The following STXBP4 variants were observed in gnomAD, a reference collection of about 807,000 sequenced individuals.
STXBP4 encodes the protein syntaxin binding protein 4, also known as syntaxin-binding protein 4.
STXBP4 carries 55 observed loss-of-function variants against 76.1 expected under a neutral mutation model. The observed-to-expected ratio is 0.72, with a 90% CI of 0.58 to 0.91. The LOEUF (loss-of-function observed/expected upper bound fraction) is 0.91, where lower values mean the gene tolerates loss of function less well. Among genes scored for constraint, STXBP4 ranks in the 40% least tolerant of loss-of-function variants. The probability of loss-of-function intolerance (pLI) is 0.00; values close to 1 mark genes in which losing one functional copy is unlikely to be tolerated. For synonymous variants in STXBP4, 201 were observed against 220.2 expected, an observed-to-expected ratio of 0.91 and a Z score of 0.77; for missense variants, 618 against 636.9, an observed-to-expected ratio of 0.97 and a Z score of 0.32.
chr17:55,049,908 A>G (rs1333093329), intron 12 of STXBP4, among the ~76,000 whole-genome samples: 2 of 152,094 alleles, frequency 1.3e-5, no homozygotes, highest in Non-Finnish European at 2.9e-5. Flanking sequence ...ATGGTTTCAC[A>G]GAGAAATTTA....
At chr17:55,150,359 G>A (rs1461810838) in intron 17 of STXBP4, among the ~76,000 whole-genome samples, 1 of 152,158 alleles carries the variant, frequency 6.6e-6, no homozygotes, top group Non-Finnish European at 1.5e-5. Context: ...TGTACACAGA[G>A]AGAGAGATAT....
chr17:55,196,825 G>A, the STXBP4 span, among the ~76,000 whole-genome samples: 1 of 152,196 alleles, frequency 6.6e-6, no homozygotes. Flanking sequence ...TGAAGTTTGA[G>A]GTCTAAACCC....
the STXBP4 span, among the ~76,000 whole-genome samples, chr17:55,199,513 A>G: frequency 0.036 from 5,432 of 152,288 alleles, 142 homozygotes; most frequent in Non-Finnish European, 0.056. Flanking sequence ...GCCATCCACT[A>G]CAAATGGAAG....
chr17:54,974,267 T>A (rs190812411), intron 1 of STXBP4, among the ~76,000 whole-genome samples: 23 of 152,340 alleles, frequency 1.5e-4, no homozygotes, highest in Admixed American at 1.2e-3. Flanking sequence ...AGAATAAGAA[T>A]AATGTATTTG....
chr17:55,204,931 A>G, the STXBP4 span, among the ~76,000 whole-genome samples: 1 of 152,054 alleles, frequency 6.6e-6, no homozygotes, highest in Non-Finnish European at 1.5e-5. Flanking sequence ...CAGTTCTCCA[A>G]TACCTTCAAG....
intron 11 of STXBP4, among the ~76,000 whole-genome samples, chr17:55,045,264 C>A (rs941625885): frequency 7.2e-5 from 11 of 152,072 alleles, no homozygotes; most frequent in African/African-American, 2.7e-4. Flanking sequence ...TATCTTTCCA[C>A]ATTTTTTAGT....
intron 16 of STXBP4, among the ~76,000 whole-genome samples, chr17:55,125,390 A>T (rs1035130885): frequency 6.7e-6 from 1 of 150,370 alleles, no homozygotes; most frequent in African/African-American, 2.5e-5. Context: ...AATTCTATGC[A>T]TCTGAGAGTT....
intron 17 of STXBP4, among the ~76,000 whole-genome samples, chr17:55,148,682 G>A (rs1355595288): frequency 2.6e-5 from 4 of 152,184 alleles, no homozygotes; most frequent in Non-Finnish European, 5.9e-5. Flanking sequence ...GGGATTACAG[G>A]CACCAGCCAT....
chr17:54,993,721 G>T (rs1323116536), intron 4 of STXBP4, among the ~76,000 whole-genome samples: 1 of 152,076 alleles, frequency 6.6e-6, no homozygotes, highest in Non-Finnish European at 1.5e-5. Flanking sequence ...AACTCATAAG[G>T]TTATCTTAAT....
chr17:55,081,546 C>G (rs2079255123), intron 16 of STXBP4, among the ~76,000 whole-genome samples: 7 of 152,170 alleles, frequency 4.6e-5, no homozygotes, highest in Admixed American at 4.6e-4. Flanking sequence ...TACAGTCCAA[C>G]TGAGCAAAAG....
rs117502030 is a variant in STXBP4, at chr17:55,058,013, G to A, written c.1011+10859G>A. ...CATTGTGAACAGTGCCACAATAAACGTACTTGTGCATGTGTCTTTATAGTA... is the reference window on the plus strand; with the variant it reads ...CATTGTGAACAGTGCCACAATAAACATACTTGTGCATGTGTCTTTATAGTA... On this transcript the variant is annotated intron_variant, in intron 12 of 17. Coordinates refer to ENST00000376352, the MANE Select transcript of STXBP4 (RefSeq NM_178509.6). Among the ~76,000 whole-genome samples the A allele has an allele frequency of 3.5e-3, 526 of 152,136 alleles. 13 individuals are homozygous for A. Among genetic ancestry groups the A allele is most frequent in the Middle Eastern group, 0.027 (8 of 294 alleles).
intron 1 of STXBP4, among the ~76,000 whole-genome samples, chr17:54,984,217 A>G (rs1194936668): frequency 6.6e-6 from 1 of 151,944 alleles, no homozygotes; most frequent in Non-Finnish European, 1.5e-5. Context: ...TTCTGCATAC[A>G]GTGGTTGAAG....
chr17:55,185,365 CCTTCTT>C, the STXBP4 span, among the ~76,000 whole-genome samples: 27 of 143,550 alleles, frequency 1.9e-4, no homozygotes, highest in South Asian at 5.7e-3. Context: ...TCCTCCTTCT[CCTTCTT>C]CTTCTTCTTC....
chr17:55,093,989 A>G (rs1234988121), intron 16 of STXBP4, among the ~76,000 whole-genome samples: 4 of 152,134 alleles, frequency 2.6e-5, no homozygotes, highest in South Asian at 2.1e-4. Flanking sequence ...CAGATTATGT[A>G]TTAGGAAAGA....
intron 12 of STXBP4, among the ~76,000 whole-genome samples, chr17:55,064,608 CT>C (rs1426600828): frequency 3.9e-5 from 6 of 152,152 alleles, no homozygotes; most frequent in Non-Finnish European, 2.9e-5. Flanking sequence ...ATTCTACTGC[CT>C]CCGCCTCCTG....
At chr17:55,197,795 A>G in the STXBP4 span, among the ~76,000 whole-genome samples, 1 of 152,154 alleles carries the variant, frequency 6.6e-6, no homozygotes, top group African/African-American at 2.4e-5. Context: ...AGACAGAACA[A>G]AGCATTGTTG....
chr17:55,067,965 C>T (rs529507107), intron 12 of STXBP4, among the ~76,000 whole-genome samples: 11 of 151,996 alleles, frequency 7.2e-5, no homozygotes, highest in African/African-American at 2.2e-4. Flanking sequence ...AAAAGTTCTA[C>T]GAATCATATT....
the STXBP4 span, among the ~76,000 whole-genome samples, chr17:55,205,657 A>G: frequency 6.6e-5 from 10 of 152,156 alleles, no homozygotes; most frequent in Non-Finnish European, 1.2e-4. Context: ...AAAAATGTTC[A>G]ACCTCATTGT....
chr17:55,076,329 C>T (rs374378423), intron 13 of STXBP4, among the ~76,000 whole-genome samples: 2 of 152,130 alleles, frequency 1.3e-5, no homozygotes, highest in Non-Finnish European at 2.9e-5. Context: ...GACCTTCTCA[C>T]TTGGTTTCTT....
Sources: allele counts gnomAD v4.1 joint callset (sites outside exome capture counted in the v4.1 genomes callset), GRCh38; gene constraint gnomAD v4.1.1; transcripts MANE v1.5; gene names NCBI Gene and HGNC (gene_info 2026-07-23, HGNC 2026-07-21).